The following SNX29 variants were observed in gnomAD, a reference collection of about 807,000 sequenced individuals.
SNX29 encodes sorting nexin 29.
SNX29 carries 78 observed loss-of-function variants against 102.1 expected under a neutral mutation model. The observed-to-expected ratio is 0.76, with a 90% CI of 0.64 to 0.92. The LOEUF is 0.92. SNX29 is among the 40% of genes least tolerant of loss of function. The pLI, the probability that SNX29 is intolerant of heterozygous loss-of-function variation, is 0.00. For synonymous variants in SNX29, 580 were observed against 414.5 expected (o/e 1.40, Z -4.85); for missense variants, 1,280 against 1,061.7 (o/e 1.21, Z -2.86).
intron 20 of SNX29, among the ~76,000 whole-genome samples, chr16:12,525,729 T>C (rs2076764929): frequency 8.4e-6 from 1 of 118,544 alleles, no homozygotes; most frequent in Non-Finnish European, 1.6e-5. Context: ...AAAAAATCAT[T>C]ACACTTCAAA....
intron 20 of SNX29, among the ~76,000 whole-genome samples, chr16:12,558,671 C>T (rs915064465): frequency 1.3e-5 from 2 of 152,222 alleles, no homozygotes; most frequent in African/African-American, 4.8e-5. Context: ...TCCTGCTGGT[C>T]CTTGTGGCTG....
chr16:12,205,482 A>G (rs1357001260), intron 14 of SNX29, among the ~76,000 whole-genome samples: 1 of 151,844 alleles, frequency 6.6e-6, no homozygotes, highest in Non-Finnish European at 1.5e-5. Context: ...CTCATCTCCC[A>G]CCACCCTCCC....
chr16:12,350,497 C>A (rs2151291751), intron 15 of SNX29, among the ~76,000 whole-genome samples: 1 of 152,236 alleles, frequency 6.6e-6, no homozygotes, highest in East Asian at 1.9e-4. Context: ...GACCAATCCG[C>A]CACCCATACC....
intron 8 of SNX29, chr16:12,052,765 A>G (rs2050360262): frequency 6.1e-6 from 1 of 164,258 alleles, no homozygotes; most frequent in Non-Finnish European, 1.3e-5. Flanking sequence ...TTCTTGCTTT[A>G]TACATACATC....
intron 8 of SNX29, among the ~76,000 whole-genome samples, chr16:12,056,858 C>A (rs1011435605): frequency 6.6e-6 from 1 of 152,052 alleles, no homozygotes. Flanking sequence ...AGGTCTTGCT[C>A]TGTCATCCAG....
intron 14 of SNX29, among the ~76,000 whole-genome samples, chr16:12,227,483 C>G (rs1405547330): frequency 6.6e-6 from 1 of 152,174 alleles, no homozygotes; most frequent in African/African-American, 2.4e-5. Context: ...ACAGAAATGA[C>G]CAACTCAATT....
chr16:12,545,820 C>G (rs553928512), intron 20 of SNX29, among the ~76,000 whole-genome samples: 100 of 152,198 alleles, frequency 6.6e-4, no homozygotes, highest in African/African-American at 2.1e-3. Context: ...TACTGACTCT[C>G]CAGACCTGTG....
rs944716178 is a variant in SNX29, at chr16:12,568,819, C to G, written c.*190C>G. The G allele has an allele frequency of 6.6e-6, 6 of 908,530 alleles. No individual in the cohort carries two copies. Among genetic ancestry groups the G allele is most frequent in the Admixed American group, 2.9e-5 (1 of 34,030 alleles). 56.3% of individuals were successfully genotyped at this position (908,530 alleles called of 1,614,324 possible). A position where few individuals can be genotyped will look rare whatever the true frequency, so the allele number is the denominator to read the frequency against. ...CTTCGAGCCGCATGATACCGTGACC[C>G]GAGAGACCAAGGCAGCACCTCGCTG... On this transcript the variant is annotated 3_prime_UTR_variant, in exon 21 of 21. Coordinates refer to ENST00000566228, the MANE Select transcript of SNX29 (RefSeq NM_032167.5).
intron 16 of SNX29, among the ~76,000 whole-genome samples, chr16:12,356,794 G>T (rs1173582025): frequency 2.6e-5 from 4 of 152,252 alleles, no homozygotes; most frequent in South Asian, 2.1e-4. Flanking sequence ...GGGCTGTTCT[G>T]AGCATTGTGG....
chr16:12,552,635 C>G (rs1016187336), intron 20 of SNX29, among the ~76,000 whole-genome samples: 2 of 152,268 alleles, frequency 1.3e-5, no homozygotes, highest in Admixed American at 1.3e-4. Flanking sequence ...AAACACCAAA[C>G]AAATGGAAGG....
intron 16 of SNX29, among the ~76,000 whole-genome samples, chr16:12,365,236 T>C (rs576099253): frequency 1.1e-4 from 17 of 152,264 alleles, no homozygotes; most frequent in African/African-American, 4.1e-4. Flanking sequence ...CAGATACTTC[T>C]GTGGTGAAGC....
chr16:12,237,578 C>T (rs891954493), intron 14 of SNX29, among the ~76,000 whole-genome samples: 1 of 151,902 alleles, frequency 6.6e-6, no homozygotes, highest in Non-Finnish European at 1.5e-5. Context: ...TGAGACCAGA[C>T]TGGGCAACAT....
At chr16:12,534,253 G>A (rs911160295) in intron 20 of SNX29, among the ~76,000 whole-genome samples, 6 of 152,236 alleles carry the variant, frequency 3.9e-5, no homozygotes, top group Admixed American at 1.3e-4. Flanking sequence ...TCTGCTCAGT[G>A]CCCAAGCACC....
chr16:12,340,057 A>C (rs1049497403), intron 15 of SNX29, among the ~76,000 whole-genome samples: 8 of 152,258 alleles, frequency 5.3e-5, no homozygotes, highest in African/African-American at 1.7e-4. Context: ...TTTAGCATCA[A>C]ATGAGGAATT....
chr16:12,333,062 G>C (rs371838158), intron 15 of SNX29, among the ~76,000 whole-genome samples: 1 of 151,788 alleles, frequency 6.6e-6, no homozygotes, highest in East Asian at 1.9e-4. Context: ...ATATTTAGCA[G>C]TGTGCATTTG....
chr16:11,986,711 G>C (rs1445596873), intron 1 of SNX29, among the ~76,000 whole-genome samples: 1 of 152,150 alleles, frequency 6.6e-6, no homozygotes. Context: ...GGTGTTCTAG[G>C]ATAGGATTGG....
rs1486141102 is a variant in SNX29 at position 12,571,344 on chromosome 16, C to G, written c.*2715C>G. 3 of 231,416 alleles carry G rather than the reference C, an allele frequency of 1.3e-5. No individual in the cohort carries two copies. Among genetic ancestry groups the G allele is most frequent in the Admixed American group, 5.6e-5 (1 of 17,708 alleles). The allele number at this position is 231,416 out of a possible 1,614,324, so 14.3% of individuals were successfully genotyped here. A position where few individuals can be genotyped will look rare whatever the true frequency, so the allele number is the denominator to read the frequency against. On this transcript the variant is annotated 3_prime_UTR_variant, in exon 21 of 21. Transcript: ENST00000566228. ...GTCAGCCTGGATTCAATTCTGAGGG[C>G]TAAGCCACGACCTTATCCATGAGTG...
At chr16:12,210,237 C>T (rs1364557915) in intron 14 of SNX29, among the ~76,000 whole-genome samples, 1 of 152,046 alleles carries the variant, frequency 6.6e-6, no homozygotes, top group Admixed American at 6.6e-5. Flanking sequence ...GAGCAGGAGG[C>T]ACATGCCTTT....
At chr16:12,060,355 G>A (rs72784637) in intron 8 of SNX29, among the ~76,000 whole-genome samples, 2,693 of 152,256 alleles carry the variant, frequency 0.018, 42 homozygotes, top group Non-Finnish European at 0.027. Flanking sequence ...ACTTGGGGAG[G>A]CTGAAGCAGG....
Sources: allele counts gnomAD v4.1 joint callset (sites outside exome capture counted in the v4.1 genomes callset), GRCh38; gene constraint gnomAD v4.1.1; transcripts MANE v1.5; gene names NCBI Gene and HGNC (gene_info 2026-07-23, HGNC 2026-07-21).